Variants in HYCC2 observed in about 807,000 individuals in gnomAD.
The protein encoded by HYCC2 is hyccin 2.
the HYCC2 span, among the ~76,000 whole-genome samples, chr2:201,060,309 T>C: frequency 1.3e-5 from 2 of 152,188 alleles, no homozygotes; most frequent in Non-Finnish European, 2.9e-5. Flanking sequence ...ACTAATCTAG[T>C]TTGTATGACC....
chr2:201,062,715 G>C, the HYCC2 span, among the ~76,000 whole-genome samples: 4 of 150,550 alleles, frequency 2.7e-5, no homozygotes, highest in African/African-American at 9.8e-5. Context: ...CTACTCAAGA[G>C]GCAGAGATGG....
chr2:201,035,635 T>C, the HYCC2 span, among the ~76,000 whole-genome samples: 26 of 152,226 alleles, frequency 1.7e-4, no homozygotes, highest in Non-Finnish European at 2.9e-4. Context: ...CTTTGTTCCA[T>C]TGCTGGTGAG....
chr2:200,979,889 T>G, the HYCC2 span: 1 of 152,656 alleles, frequency 6.6e-6, no homozygotes, highest in Non-Finnish European at 1.5e-5. Context: ...TGTAACCTCT[T>G]AGCAGTTACC....
the HYCC2 span, chr2:200,974,727 A>G: frequency 6.6e-6 from 1 of 152,024 alleles, no homozygotes; most frequent in Non-Finnish European, 1.5e-5. Flanking sequence ...TCAATATGCA[A>G]ATACATTCCA....
the HYCC2 span, among the ~76,000 whole-genome samples, chr2:201,032,733 T>C: frequency 6.6e-6 from 1 of 152,192 alleles, no homozygotes; most frequent in East Asian, 1.9e-4. Context: ...CATAGCTCAC[T>C]GTAGTCTCAA....
At chr2:200,997,974 T>C in the HYCC2 span, among the ~76,000 whole-genome samples, 1 of 152,288 alleles carries the variant, frequency 6.6e-6, no homozygotes, top group Non-Finnish European at 1.5e-5. Flanking sequence ...AGGCGGAGGT[T>C]GCAGTGAGCC....
chr2:200,974,067 G>C, the HYCC2 span: 2 of 151,988 alleles, frequency 1.3e-5, no homozygotes, highest in African/African-American at 4.8e-5. Flanking sequence ...CTGAAAAAAT[G>C]AAGGTTGTCA....
At chr2:201,044,974 T>C in the HYCC2 span, among the ~76,000 whole-genome samples, 2 of 152,232 alleles carry the variant, frequency 1.3e-5, no homozygotes, top group Non-Finnish European at 2.9e-5. Flanking sequence ...GGACAACATA[T>C]GAAATAGCCA....
the HYCC2 span, chr2:201,063,801 A>G: frequency 6.1e-4 from 975 of 1,591,040 alleles, 1 homozygote; most frequent in Middle Eastern, 9.0e-4. Context: ...GGTGGATATG[A>G]TGGCAGTGGG....
the HYCC2 span, among the ~76,000 whole-genome samples, chr2:201,045,760 C>T: frequency 6.6e-6 from 1 of 152,124 alleles, no homozygotes; most frequent in Non-Finnish European, 1.5e-5. Context: ...ATACCTTTAT[C>T]AAACCTAATT....
chr2:200,981,579 GT>G, the HYCC2 span: 2 of 1,614,174 alleles, frequency 1.2e-6, no homozygotes, highest in Non-Finnish European at 1.7e-6. The surrounding 1 kb of genome is among the most constrained non-coding windows in gnomAD (Gnocchi z 4.5). Flanking sequence ...GCAGGCTCAG[GT>G]GTTTCTTCAT....
chr2:201,038,277 A>G, the HYCC2 span, among the ~76,000 whole-genome samples: 8 of 152,154 alleles, frequency 5.3e-5, no homozygotes, highest in Non-Finnish European at 8.8e-5. Context: ...AAATAGGAAC[A>G]CTTTTACACT....
At chr2:201,042,740 TG>T in the HYCC2 span, among the ~76,000 whole-genome samples, 85 of 143,306 alleles carry the variant, frequency 5.9e-4, no homozygotes, top group Non-Finnish European at 1.0e-3. Context: ...GTCCGGGAGG[TG>T]GGGGGCAGCC....
chr2:201,041,521 G>C, the HYCC2 span, among the ~76,000 whole-genome samples: 1 of 152,162 alleles, frequency 6.6e-6, no homozygotes, highest in Admixed American at 6.5e-5. Context: ...GTAAGTCTCA[G>C]CAGCCTTTCT....
At chr2:201,037,723 C>T in the HYCC2 span, among the ~76,000 whole-genome samples, 6 of 152,152 alleles carry the variant, frequency 3.9e-5, no homozygotes, top group African/African-American at 1.2e-4. Context: ...CTTCCTTATA[C>T]CTTATACAAA....
the HYCC2 span, among the ~76,000 whole-genome samples, chr2:201,062,168 T>C: frequency 1.3e-5 from 2 of 152,126 alleles, no homozygotes; most frequent in Non-Finnish European, 2.9e-5. Flanking sequence ...TACAAAGGTA[T>C]ACTATCTTTA....
chr2:201,054,022 A>T, the HYCC2 span, among the ~76,000 whole-genome samples: 1 of 152,074 alleles, frequency 6.6e-6, no homozygotes, highest in African/African-American at 2.4e-5. Flanking sequence ...CAGAAAAGAA[A>T]AGCTGGGGAA....
chr2:201,005,069 C>G, the HYCC2 span, among the ~76,000 whole-genome samples: 1 of 150,638 alleles, frequency 6.6e-6, no homozygotes, highest in Non-Finnish European at 1.5e-5. Flanking sequence ...AAAGAGACAT[C>G]CTCAGGGTAA....
the HYCC2 span, among the ~76,000 whole-genome samples, chr2:201,046,422 G>T: frequency 1.1e-3 from 164 of 152,266 alleles, 1 homozygote; most frequent in African/African-American, 3.8e-3. Flanking sequence ...AGGTTCTGCA[G>T]TGGGGGGGAA....
Sources: allele counts gnomAD v4.1 joint callset (sites outside exome capture counted in the v4.1 genomes callset), GRCh38; gene constraint gnomAD v4.1.1; non-coding constraint Gnocchi (gnomAD v3.1); transcripts MANE v1.5; gene names NCBI Gene and HGNC (gene_info 2026-07-23, HGNC 2026-07-21).